WIPI2: variants seen among roughly 807,000 people sequenced by gnomAD.
WIPI2 encodes the protein WD repeat domain phosphoinositide-interacting protein 2.
In WIPI2, 28 loss-of-function variants were observed where a neutral mutation model predicts 52.3. The observed-to-expected ratio is 0.54, with a 90% CI of 0.40 to 0.73. The LOEUF is 0.73. WIPI2 is among the 30% of genes least tolerant of loss of function. The pLI is 0.00. For missense variants in WIPI2, 506 were observed against 602.9 expected, an observed-to-expected ratio of 0.84 and a Z score of 1.68; for synonymous variants, 268 against 245.0, an observed-to-expected ratio of 1.09 and a Z score of -0.88.
chr7:5,204,797 C>G (rs937689892), intron 3 of WIPI2, among the ~76,000 whole-genome samples: 2 of 152,154 alleles, frequency 1.3e-5, no homozygotes, highest in African/African-American at 4.8e-5. Context: ...GATCCTCCCC[C>G]TTCTTGCATA....
chr7:5,214,638 G>A lies in WIPI2; in HGVS notation c.315G>A (p.Lys105=). The A allele has an allele frequency of 6.2e-7, 1 of 1,614,262 alleles. No individual in the cohort carries two copies. Among genetic ancestry groups the A allele is most frequent in the South Asian group, 1.1e-5 (1 of 91,084 alleles). The part of the protein sequence containing the change: ...APRKLKVCHF[K]KGTEICNYSY... ...GGAAGCTAAAGGTTTGCCACTTTAA[G>A]AAGGGAACTGAGATCTGCAACTACA... Residue 105 remains lysine (K), a synonymous_variant, in exon 4 of 13, where the codon AAG becomes AAA. Transcript: ENST00000288828.
intron 4 of WIPI2, among the ~76,000 whole-genome samples, 192 bp downstream of exon 4, chr7:5,214,896 C>T (rs565802604): frequency 6.6e-6 from 1 of 152,348 alleles, no homozygotes; most frequent in Admixed American, 6.5e-5. Context: ...ATTCCATTCA[C>T]GACAAATGCC....
At chr7:5,228,254 C>CG (rs932481410) in intron 11 of WIPI2, 43 bp downstream of exon 11, 9 of 1,535,836 alleles carry the variant, frequency 5.9e-6, no homozygotes, top group African/African-American at 4.2e-5. Flanking sequence ...TCCGTGCTGG[C>CG]GGGGGGCTTT....
At chr7:5,218,552 C>T (rs1463917315) in intron 7 of WIPI2, 1 of 153,114 alleles carries the variant, frequency 6.5e-6, no homozygotes, top group South Asian at 2.0e-4. Context: ...TCAACATCAC[C>T]CTTTTGGGAC....
At chr7:5,198,265 C>G (rs1781847179) in intron 2 of WIPI2, among the ~76,000 whole-genome samples, 1 of 152,150 alleles carries the variant, frequency 6.6e-6, no homozygotes, top group South Asian at 2.1e-4. Context: ...ATGCCTGCGC[C>G]CACCTCGATT....
intron 3 of WIPI2, among the ~76,000 whole-genome samples, chr7:5,203,569 A>G (rs924533003): frequency 6.6e-6 from 1 of 151,542 alleles, no homozygotes; most frequent in Non-Finnish European, 1.5e-5. Context: ...AATGAGTGCT[A>G]AAAGCAAGGC....
intron 3 of WIPI2, among the ~76,000 whole-genome samples, chr7:5,203,814 A>G (rs956686874): frequency 1.3e-5 from 2 of 151,686 alleles, no homozygotes; most frequent in Non-Finnish European, 2.9e-5. Context: ...TAGTAGAGAC[A>G]GGGTTTCACC....
chr7:5,194,911 C>A (rs1211908245), intron 2 of WIPI2, among the ~76,000 whole-genome samples: 2 of 152,202 alleles, frequency 1.3e-5, no homozygotes. Context: ...CTAGTTTAAA[C>A]TGCAGAATCC....
intron 4 of WIPI2, among the ~76,000 whole-genome samples, chr7:5,215,471 G>A (rs753014822): frequency 4.6e-5 from 7 of 150,670 alleles, no homozygotes; most frequent in South Asian, 2.1e-4. Flanking sequence ...TTTCACGCAC[G>A]TGTGTGTGTC....
In WIPI2 at chr7:5,232,922, A is replaced by G. The variant is rs779578473; in HGVS notation, c.*1975A>G. 6.6e-6 allele frequency: 1 copy of G among 152,268 alleles called. No homozygotes were observed. The highest frequency in any genetic ancestry group is 2.1e-4 in the South Asian group (1 of 4,830). The allele number at this position is 152,268 out of a possible 1,614,324, so 9.4% of individuals were successfully genotyped here. On this transcript the variant is annotated 3_prime_UTR_variant, in exon 13 of 13. Coordinates refer to ENST00000288828, the MANE Select transcript of WIPI2 (RefSeq NM_015610.4). ...TTTGTCTTTCTTTGGGATTGGTAGT[A>G]TAGAAGATGCTGGGAATTGTCTTCC... is the stretch of plus-strand genomic sequence containing the variant.
At chr7:5,199,174 A>T (rs1781905431) in intron 2 of WIPI2, among the ~76,000 whole-genome samples, 1 of 152,134 alleles carries the variant, frequency 6.6e-6, no homozygotes, top group African/African-American at 2.4e-5. Flanking sequence ...CTGGGACTAC[A>T]AGGGCACCAC....
Position 5,193,124 on chromosome 7 carries a change from G to A in WIPI2, c.81G>A (p.Val27=), listed in dbSNP as rs568808411. ...GTTTTGTTTTTTTACCTAGAGAAGT[G>A]AAAGGGGCATCAAGAGCAGCTGGTC... ...FANFNQDNTE[V]KGASRAAGLG... is the part of the protein sequence containing the mutation. The change falls in exon 2 of 13, where the codon GTG becomes GTA. Residue 27 remains valine (V), a synonymous_variant. Transcript: ENST00000288828. 2 of 1,613,986 alleles carry A rather than the reference G, an allele frequency of 1.2e-6. No homozygotes were observed. The highest frequency in any genetic ancestry group is 1.7e-5 in the Admixed American group (1 of 59,986).
At chr7:5,192,340 G>C (rs1161987576) in intron 1 of WIPI2, among the ~76,000 whole-genome samples, 1 of 152,154 alleles carries the variant, frequency 6.6e-6, no homozygotes, top group Admixed American at 6.5e-5. Flanking sequence ...GGTGGTTTAT[G>C]CCTTGTATAA....
Position 5,231,025 on chromosome 7 carries a change from T to G in WIPI2, c.*78T>G. Reference sequence around the variant, plus strand: ...GACTTTGTGCATTGCTGCTATGAACTTTGACCTGAGTCGGGGGAGAGGATG... The same window carrying G: ...GACTTTGTGCATTGCTGCTATGAACGTTGACCTGAGTCGGGGGAGAGGATG... On this transcript the variant is annotated 3_prime_UTR_variant, in exon 13 of 13. Coordinates refer to ENST00000288828, the MANE Select transcript of WIPI2 (RefSeq NM_015610.4). The G allele has an allele frequency of 7.8e-7, 1 of 1,284,858 alleles. No homozygotes were observed. Among genetic ancestry groups the G allele is most frequent in the Middle Eastern group, 1.9e-4 (1 of 5,146 alleles). 79.6% of individuals were successfully genotyped at this position (1,284,858 alleles called of 1,614,324 possible).
intron 3 of WIPI2, among the ~76,000 whole-genome samples, chr7:5,212,620 A>G (rs1001226402): frequency 5.9e-5 from 9 of 151,920 alleles, no homozygotes; most frequent in Non-Finnish European, 1.2e-4. Context: ...TGCAGCCTCA[A>G]CCTCCTGGGA....
intron 1 of WIPI2, among the ~76,000 whole-genome samples, chr7:5,191,287 G>A (rs1036095405): frequency 6.6e-6 from 1 of 152,176 alleles, no homozygotes; most frequent in African/African-American, 2.4e-5. Context: ...CTCCCAAAGT[G>A]CTGGGATTAC....
At chr7:5,229,067 G>A (rs180920347) in intron 11 of WIPI2, among the ~76,000 whole-genome samples, 1 of 152,240 alleles carries the variant, frequency 6.6e-6, no homozygotes, top group African/African-American at 2.4e-5. Context: ...CCAGGCTGGA[G>A]TACAGTGGCG....
intron 3 of WIPI2, among the ~76,000 whole-genome samples, chr7:5,208,681 T>C (rs1199006251): frequency 6.6e-6 from 1 of 152,240 alleles, no homozygotes; most frequent in African/African-American, 2.4e-5. Flanking sequence ...GAGAAGATTT[T>C]TCTTCCCTCC....
intron 9 of WIPI2, chr7:5,226,322 C>A: frequency 5.1e-6 from 1 of 197,370 alleles, no homozygotes; most frequent in Non-Finnish European, 1.0e-5. Flanking sequence ...TGGACGGCTT[C>A]CACAAGAATT....
Sources: allele counts gnomAD v4.1 joint callset (sites outside exome capture counted in the v4.1 genomes callset), GRCh38; gene constraint gnomAD v4.1.1; transcripts MANE v1.5; gene names NCBI Gene and HGNC (gene_info 2026-07-23, HGNC 2026-07-21).